The following AKAP19 variants were observed in gnomAD, a reference collection of about 807,000 sequenced individuals.
AKAP19 encodes the protein A-kinase anchoring protein 19, also known as small A-kinase anchoring protein.
the AKAP19 span, among the ~76,000 whole-genome samples, chr2:189,989,460 A>G: frequency 6.6e-6 from 1 of 152,260 alleles, no homozygotes; most frequent in Non-Finnish European, 1.5e-5. Flanking sequence ...AAATGAAAAA[A>G]TATACTAGGC....
chr2:189,921,122 C>T, the AKAP19 span, among the ~76,000 whole-genome samples: 2 of 152,030 alleles, frequency 1.3e-5, no homozygotes, highest in Non-Finnish European at 2.9e-5. Context: ...GTCAATTTGC[C>T]GTGTTTGCCT....
chr2:189,952,429 C>A, the AKAP19 span, among the ~76,000 whole-genome samples: 1 of 152,010 alleles, frequency 6.6e-6, no homozygotes, highest in East Asian at 1.9e-4. Flanking sequence ...AAAATCATAT[C>A]ATTTTTTTTT....
At chr2:190,008,344 T>C in the AKAP19 span, among the ~76,000 whole-genome samples, 1 of 152,090 alleles carries the variant, frequency 6.6e-6, no homozygotes, top group Non-Finnish European at 1.5e-5. Context: ...TTTTAAAAAA[T>C]AAAAGGACAA....
the AKAP19 span, among the ~76,000 whole-genome samples, chr2:190,075,846 A>G: frequency 3.3e-5 from 5 of 151,990 alleles, no homozygotes; most frequent in Admixed American, 6.5e-5. Context: ...GTAATTTTCA[A>G]TATGATTTGG....
the AKAP19 span, among the ~76,000 whole-genome samples, chr2:190,151,708 A>G: frequency 6.6e-6 from 1 of 152,228 alleles, no homozygotes; most frequent in Non-Finnish European, 1.5e-5. Context: ...ATAGTTAGAA[A>G]GGTCTTGGCC....
chr2:189,939,628 T>C, the AKAP19 span, among the ~76,000 whole-genome samples: 1 of 152,126 alleles, frequency 6.6e-6, no homozygotes, highest in South Asian at 2.1e-4. Context: ...TGACTAATCA[T>C]TCAAAATACA....
At chr2:190,184,565 A>C in the AKAP19 span, among the ~76,000 whole-genome samples, 1 of 152,232 alleles carries the variant, frequency 6.6e-6, no homozygotes, top group South Asian at 2.1e-4. Context: ...TTGGGGAGAC[A>C]GCATTTATAA....
chr2:190,121,359 T>C, the AKAP19 span, among the ~76,000 whole-genome samples: 2,084 of 152,202 alleles, frequency 0.014, 49 homozygotes, highest in African/African-American at 0.047. Context: ...GTGATCCTCC[T>C]GCCTTGGCCT....
At chr2:190,150,691 CGGA>C in the AKAP19 span, among the ~76,000 whole-genome samples, 1 of 151,896 alleles carries the variant, frequency 6.6e-6, no homozygotes, top group Non-Finnish European at 1.5e-5. Context: ...CTGCTCTGTC[CGGA>C]GCTGCAATCT....
chr2:190,062,666 T>A, the AKAP19 span: 1 of 1,496,352 alleles, frequency 6.7e-7, no homozygotes, highest in Non-Finnish European at 9.1e-7. Flanking sequence ...TGCTTTTGAG[T>A]AATGCCAAGC....
chr2:189,902,065 A>G, the AKAP19 span, among the ~76,000 whole-genome samples: 2 of 152,126 alleles, frequency 1.3e-5, no homozygotes, highest in Non-Finnish European at 2.9e-5. Flanking sequence ...AGTCTATTAT[A>G]TTAGAACCAT....
the AKAP19 span, among the ~76,000 whole-genome samples, chr2:190,155,053 A>G: frequency 6.6e-6 from 1 of 152,226 alleles, no homozygotes; most frequent in Non-Finnish European, 1.5e-5. Context: ...ATGGATGGCT[A>G]TTCAGTGTTA....
chr2:190,079,890 T>TGTGTGTGTGTGTGTGA, the AKAP19 span: 7 of 109,534 alleles, frequency 6.4e-5, no homozygotes, highest in African/African-American at 2.3e-4. Context: ...TGTGTGTGTG[T>TGTGTGTGTGTGTGTGA]GAGAGAGAGA....
chr2:190,117,883 T>C, the AKAP19 span, among the ~76,000 whole-genome samples: 1 of 152,220 alleles, frequency 6.6e-6, no homozygotes, highest in Non-Finnish European at 1.5e-5. Context: ...GAAGGTCCCC[T>C]TTTTGTTTGG....
chr2:189,903,056 C>T, the AKAP19 span, among the ~76,000 whole-genome samples: 3 of 151,788 alleles, frequency 2.0e-5, no homozygotes. Context: ...TTTTAAGTGT[C>T]TTCCCTATAG....
At chr2:189,961,969 C>A in the AKAP19 span, among the ~76,000 whole-genome samples, 1 of 151,254 alleles carries the variant, frequency 6.6e-6, no homozygotes, top group Non-Finnish European at 1.5e-5. Flanking sequence ...CTTTGAAATT[C>A]AATGTATTTT....
chr2:190,158,279 A>G, the AKAP19 span, among the ~76,000 whole-genome samples: 4 of 152,158 alleles, frequency 2.6e-5, no homozygotes, highest in African/African-American at 7.2e-5. Context: ...TCCTTATACA[A>G]CTCAGTGTCT....
the AKAP19 span, among the ~76,000 whole-genome samples, chr2:190,131,725 A>ATACTATCTCCTGT: frequency 1.3e-5 from 2 of 152,192 alleles, no homozygotes; most frequent in Non-Finnish European, 2.9e-5. Context: ...GTGGGATCTG[A>ATACTATCTCCTGT]TACTATCTCC....
chr2:190,064,563 T>C, the AKAP19 span, among the ~76,000 whole-genome samples: 1 of 152,100 alleles, frequency 6.6e-6, no homozygotes, highest in Non-Finnish European at 1.5e-5. Context: ...AGCTTCCTCA[T>C]AGGGTTTTGG....
Sources: allele counts gnomAD v4.1 joint callset (sites outside exome capture counted in the v4.1 genomes callset), GRCh38; gene constraint gnomAD v4.1.1; transcripts MANE v1.5; gene names NCBI Gene and HGNC (gene_info 2026-07-23, HGNC 2026-07-21).